ENPP2: variants seen among roughly 807,000 people sequenced by gnomAD.
The protein encoded by ENPP2 is ectonucleotide pyrophosphatase/phosphodiesterase 2.
Under a neutral mutation model 120.2 loss-of-function variants are expected in ENPP2, and 51 were observed. The observed-to-expected ratio is 0.42, with a 90% CI of 0.34 to 0.54. ENPP2 has a LOEUF of 0.54. Among genes scored for constraint, ENPP2 ranks in the 20% least tolerant of loss-of-function variants. The pLI, the probability that ENPP2 is intolerant of heterozygous loss-of-function variation, is 0.04. For missense variants in ENPP2, 920 were observed against 1,066.5 expected, an observed-to-expected ratio of 0.86 and a Z score of 1.91; for synonymous variants, 365 against 366.4, an observed-to-expected ratio of 1.00 and a Z score of 0.04.
chr8:119,608,331 A>C (rs958847091), intron 8 of ENPP2, among the ~76,000 whole-genome samples: 1 of 152,190 alleles, frequency 6.6e-6, no homozygotes, highest in Non-Finnish European at 1.5e-5. Flanking sequence ...AAAGGACCCA[A>C]GAGTGGGCCA....
At chr8:119,562,003 G>C (rs535007807) in intron 24 of ENPP2, among the ~76,000 whole-genome samples, 3 of 152,116 alleles carry the variant, frequency 2.0e-5, no homozygotes, top group Non-Finnish European at 2.9e-5. Context: ...TGTGCGTGGT[G>C]GTGGGCGCCT....
In ENPP2 at chr8:119,636,459, C is replaced by T. The variant is rs893855075; in HGVS notation, c.136+1966G>A. 3.3e-5 allele frequency among the ~76,000 whole-genome samples: 5 copies of T among 152,126 alleles called. No individual in the cohort carries two copies. The East Asian group carries it at 9.6e-4, about 29-fold the overall frequency. ...GGTTGCATTGTATTCTAAGACTAAG[C>T]TTCACGTGGTTAGAAGTTTAATAAA... On this transcript the variant is annotated intron_variant, in intron 2 of 24. Transcript: ENST00000075322.
At chr8:119,646,496 G>C (rs1324510307) in intron 1 of ENPP2, among the ~76,000 whole-genome samples, 1 of 152,126 alleles carries the variant, frequency 6.6e-6, no homozygotes, top group Non-Finnish European at 1.5e-5. Context: ...CACTGACCTA[G>C]AGGGTAAATT....
chr8:119,621,786 T>C (rs1393864679), intron 3 of ENPP2, among the ~76,000 whole-genome samples: 1 of 152,244 alleles, frequency 6.6e-6, no homozygotes, highest in Non-Finnish European at 1.5e-5. Context: ...CAAGTATCCC[T>C]ACGATTCTCG....
chr8:119,631,510 C>T (rs1489025394), intron 2 of ENPP2, among the ~76,000 whole-genome samples: 1 of 151,964 alleles, frequency 6.6e-6, no homozygotes, highest in African/African-American at 2.4e-5. Context: ...GCCACCACGC[C>T]CAGTCTATCT....
At chr8:119,593,639 G>A (rs367974345) in intron 12 of ENPP2, 113 bp downstream of exon 12, 16 of 676,002 alleles carry the variant, frequency 2.4e-5, no homozygotes, top group Middle Eastern at 2.7e-4. Flanking sequence ...TAAAGAAAGC[G>A]GGGATGAGGT....
Position 119,634,191 on chromosome 8 carries a change from A to AATACATAC in ENPP2, c.136+4226_136+4233dup, listed in dbSNP as rs5894490. On this transcript the variant is annotated intron_variant, in intron 2 of 24. Coordinates refer to ENST00000075322, the MANE Select transcript of ENPP2 (RefSeq NM_001040092.3). ...GAATGAGACTCTCTCTCAAAAAATA[A>AATACATAC]ATACATACATACATACATACATACA... Among the ~76,000 whole-genome samples, 1,183 of 147,716 alleles carry AATACATAC rather than the reference A, an allele frequency of 8.0e-3. 8 individuals carry two copies. Among genetic ancestry groups the AATACATAC allele is most frequent in the Middle Eastern group, 0.02 (6 of 294 alleles).
chr8:119,591,759 C>T (rs770064289), intron 12 of ENPP2, among the ~76,000 whole-genome samples: 1 of 152,156 alleles, frequency 6.6e-6, no homozygotes, highest in African/African-American at 2.4e-5. Context: ...AAAAAACACA[C>T]AGCATAAGGA....
chr8:119,581,267 A>G (rs1812713761), intron 18 of ENPP2, among the ~76,000 whole-genome samples: 1 of 67,246 alleles, frequency 1.5e-5, no homozygotes, highest in South Asian at 7.7e-4. Context: ...CTCCATCTCA[A>G]AAAAAAAAAA....
chr8:119,582,841 G>T (rs1032579533), intron 17 of ENPP2, among the ~76,000 whole-genome samples: 4 of 152,206 alleles, frequency 2.6e-5, no homozygotes, highest in African/African-American at 4.8e-5. Flanking sequence ...TGAATAGAGA[G>T]AGAGAGATTC....
chr8:119,651,766 C>T (rs1243685964), intron 1 of ENPP2, among the ~76,000 whole-genome samples: 2 of 152,146 alleles, frequency 1.3e-5, no homozygotes, highest in African/African-American at 4.8e-5. Context: ...CCTTGGGCAT[C>T]CTGGACATGT....
chr8:119,661,176 G>A (rs1290082094), intron 1 of ENPP2, among the ~76,000 whole-genome samples: 1 of 152,088 alleles, frequency 6.6e-6, no homozygotes, highest in African/African-American at 2.4e-5. Context: ...GGGGCTGAGG[G>A]GTAAGGGGAG....
intron 2 of ENPP2, among the ~76,000 whole-genome samples, chr8:119,626,962 C>G (rs1161142912): frequency 6.6e-6 from 1 of 152,118 alleles, no homozygotes; most frequent in East Asian, 1.9e-4. Flanking sequence ...TTAAATGAAT[C>G]AATCCATGTA....
chr8:119,606,905 G>A (rs534807410), intron 9 of ENPP2, among the ~76,000 whole-genome samples: 4 of 149,370 alleles, frequency 2.7e-5, no homozygotes, highest in Non-Finnish European at 3.0e-5. Flanking sequence ...CAAAATCCCC[G>A]TGAAAGTTGA....
intron 1 of ENPP2, among the ~76,000 whole-genome samples, chr8:119,664,768 C>T (rs1818022716): frequency 6.6e-6 from 1 of 152,064 alleles, no homozygotes; most frequent in South Asian, 2.1e-4. Context: ...TGGTAAAACC[C>T]CATCTCTACT....
chr8:119,608,375 G>A lies in ENPP2; in HGVS notation c.778-398C>T, dbSNP rs957045206. On this transcript the variant is annotated intron_variant, in intron 8 of 24. Transcript: ENST00000075322. The stretch of plus-strand genomic sequence containing the variant: ...CTTTACTATTGAAAGCCTCAAGGAG[G>A]AGTGCCCCAATTTGGCATCCAGATG... 8.5e-5 allele frequency among the ~76,000 whole-genome samples: 13 copies of A among 152,300 alleles called. No homozygotes were observed. The Middle Eastern group carries it at 0.01, about 120-fold the overall frequency.
intron 3 of ENPP2, among the ~76,000 whole-genome samples, chr8:119,623,719 A>C (rs1255296414): frequency 1.3e-5 from 2 of 151,758 alleles, no homozygotes; most frequent in African/African-American, 4.8e-5. Context: ...TCTACCTTTC[A>C]GGTTCAAGTG....
intron 1 of ENPP2, among the ~76,000 whole-genome samples, chr8:119,644,501 T>C (rs945473565): frequency 4.0e-5 from 6 of 149,886 alleles, no homozygotes; most frequent in African/African-American, 1.5e-4. Flanking sequence ...GGTATCCATT[T>C]GCTAACACCC....
intron 19 of ENPP2, among the ~76,000 whole-genome samples, chr8:119,573,539 A>G (rs1157585574): frequency 6.6e-6 from 1 of 152,100 alleles, no homozygotes; most frequent in East Asian, 1.9e-4. Flanking sequence ...CTGGCCAGGC[A>G]TAGTGGCTCA....
Sources: allele counts gnomAD v4.1 joint callset (sites outside exome capture counted in the v4.1 genomes callset), GRCh38; gene constraint gnomAD v4.1.1; transcripts MANE v1.5; gene names NCBI Gene and HGNC (gene_info 2026-07-23, HGNC 2026-07-21).